AK5: variants seen among roughly 807,000 people sequenced by gnomAD.
The protein encoded by AK5 is adenylate kinase isoenzyme 5.
A neutral mutation model predicts 69.5 loss-of-function variants in AK5; 27 were observed. The ratio of observed to expected loss-of-function variants is 0.39; its 90% CI spans 0.29 to 0.54. The LOEUF (loss-of-function observed/expected upper bound fraction) is 0.54, where lower values mean the gene tolerates loss of function less well. Ranked by LOEUF, AK5 falls within the 20% of genes least tolerant of loss-of-function variation. The pLI is 0.71. For missense variants in AK5, 531 were observed against 700.4 expected (o/e 0.76, Z 2.73); for synonymous variants, 260 against 244.4 (o/e 1.06, Z -0.60).
intron 13 of AK5, among the ~76,000 whole-genome samples, chr1:77,542,056 C>T (rs973241077): frequency 2.6e-4 from 40 of 152,272 alleles, no homozygotes; most frequent in South Asian, 1.9e-3. Context: ...AGGCCAGGCA[C>T]GGTGGCTCAC....
intron 8 of AK5, among the ~76,000 whole-genome samples, chr1:77,472,432 T>A (rs774590831): frequency 3.9e-5 from 6 of 152,142 alleles, no homozygotes. Flanking sequence ...AAAACCTCTT[T>A]CTCCCAAAGT....
intron 10 of AK5, among the ~76,000 whole-genome samples, chr1:77,507,712 A>G (rs1657104900): frequency 6.6e-6 from 1 of 152,218 alleles, no homozygotes; most frequent in African/African-American, 2.4e-5. Flanking sequence ...TTATCTTAGC[A>G]TTATTACGTT....
chr1:77,439,534 C>A (rs1295873850), intron 8 of AK5, among the ~76,000 whole-genome samples: 2 of 151,888 alleles, frequency 1.3e-5, no homozygotes, highest in Non-Finnish European at 2.9e-5. Context: ...CATTAACCAA[C>A]CTCTCTTCAC....
intron 6 of AK5, among the ~76,000 whole-genome samples, chr1:77,358,086 G>T (rs551889904): frequency 3.3e-5 from 5 of 150,552 alleles, no homozygotes; most frequent in African/African-American, 1.2e-4. Flanking sequence ...TGCTGCTGAG[G>T]GTCAAGAATG....
At chr1:77,381,073 TAG>T (rs563806341) in intron 6 of AK5, among the ~76,000 whole-genome samples, 83 of 152,348 alleles carry the variant, frequency 5.4e-4, no homozygotes, top group Non-Finnish European at 9.4e-4. Context: ...GCACATGCTA[TAG>T]ATTGAATGTT....
intron 10 of AK5, among the ~76,000 whole-genome samples, chr1:77,516,099 A>T (rs1657626695): frequency 6.6e-6 from 1 of 152,158 alleles, no homozygotes; most frequent in African/African-American, 2.4e-5. Flanking sequence ...GAAAAGATGA[A>T]TGGGTAAAAA....
chr1:77,456,726 G>A (rs1009689389), intron 8 of AK5, among the ~76,000 whole-genome samples: 6 of 152,220 alleles, frequency 3.9e-5, no homozygotes, highest in African/African-American at 1.4e-4. Flanking sequence ...CATGCAGAAT[G>A]GGGAAGGAGT....
intron 2 of AK5, among the ~76,000 whole-genome samples, chr1:77,288,891 G>A (rs930419118): frequency 2.0e-5 from 3 of 152,134 alleles, no homozygotes; most frequent in Non-Finnish European, 4.4e-5. Context: ...ATAGGCAGGA[G>A]GTAAAATAAC....
At chr1:77,418,745 A>G (rs534064069) in intron 8 of AK5, among the ~76,000 whole-genome samples, 1 of 152,226 alleles carries the variant, frequency 6.6e-6, no homozygotes, top group Admixed American at 6.5e-5. Flanking sequence ...CTTTGTTCCC[A>G]TCTTTAACTA....
intron 8 of AK5, among the ~76,000 whole-genome samples, chr1:77,433,812 A>G (rs1651791584): frequency 6.6e-6 from 1 of 152,002 alleles, no homozygotes; most frequent in Non-Finnish European, 1.5e-5. Context: ...AATTTCATGT[A>G]ATTAATTCTT....
chr1:77,540,054 A>G (rs970237288), intron 13 of AK5, among the ~76,000 whole-genome samples: 8 of 152,236 alleles, frequency 5.3e-5, no homozygotes, highest in Non-Finnish European at 1.0e-4. Context: ...CAATGCTGAC[A>G]TTGAACCCAT....
At chr1:77,355,207 T>G (rs1662430583) in intron 6 of AK5, among the ~76,000 whole-genome samples, 1 of 152,210 alleles carries the variant, frequency 6.6e-6, no homozygotes, top group African/African-American at 2.4e-5. Context: ...GTGAAATCCT[T>G]TTGGCTCAGT....
intron 6 of AK5, among the ~76,000 whole-genome samples, chr1:77,373,557 C>G (rs886523579): frequency 6.6e-6 from 1 of 151,982 alleles, no homozygotes; most frequent in South Asian, 2.1e-4. Flanking sequence ...GAAACCCTGC[C>G]TCTGCTAAAA....
intron 12 of AK5, among the ~76,000 whole-genome samples, chr1:77,524,262 T>A (rs1296036292): frequency 4.6e-5 from 7 of 152,226 alleles, no homozygotes; most frequent in Non-Finnish European, 7.3e-5. Context: ...CAATATCTGT[T>A]CAAGTTCCTG....
Position 77,555,727 on chromosome 1 carries a change from T to C in AK5, c.1621-2875T>C, listed in dbSNP as rs182217751. ...AGAAAGCTTCTCTGCCCTCCCCACA[T>C]TATGGAAGGTGCCCTTATAGCTCCT... On this transcript the variant is annotated intron_variant, in intron 13 of 13. Transcript: ENST00000354567. Among the ~76,000 whole-genome samples, 111 of 152,334 alleles carry C rather than the reference T, an allele frequency of 7.3e-4. 2 individuals are homozygous for C. In the Middle Eastern group the frequency reaches 0.027, roughly 37 times the overall value.
chr1:77,451,576 C>T (rs1175909679), intron 8 of AK5, among the ~76,000 whole-genome samples: 2 of 152,120 alleles, frequency 1.3e-5, no homozygotes, highest in African/African-American at 4.8e-5. Flanking sequence ...AAGCGTATAA[C>T]GGATAGCATT....
chr1:77,304,563 G>A (rs549313794), intron 5 of AK5, among the ~76,000 whole-genome samples: 60 of 151,842 alleles, frequency 4.0e-4, no homozygotes, highest in African/African-American at 1.4e-3. Flanking sequence ...GCACCACCAC[G>A]CCCAACTAAT....
chr1:77,546,055 C>T (rs939939102), intron 13 of AK5, among the ~76,000 whole-genome samples: 4 of 152,120 alleles, frequency 2.6e-5, no homozygotes, highest in East Asian at 1.9e-4. Context: ...ACCAGATTCC[C>T]GCAAAGACGT....
At chr1:77,458,010 G>C (rs1352895463) in intron 8 of AK5, among the ~76,000 whole-genome samples, 1 of 151,130 alleles carries the variant, frequency 6.6e-6, no homozygotes, top group Non-Finnish European at 1.5e-5. Flanking sequence ...GCTGAGGCAA[G>C]AGGATCACTG....
Sources: gnomAD v4.1 joint callset for allele counts (sites outside exome capture counted in the v4.1 genomes callset) on GRCh38, gnomAD v4.1.1 for gene constraint, MANE v1.5 for transcripts, NCBI Gene and HGNC (gene_info 2026-07-23, HGNC 2026-07-21) for gene names.